Variants in KIAA1217 observed in about 807,000 individuals in gnomAD.
The protein encoded by KIAA1217 is sickle tail protein homolog.
Under a neutral mutation model 163.9 loss-of-function variants are expected in KIAA1217, and 88 were observed. That is an observed-to-expected ratio of 0.54 (90% CI 0.45 to 0.64). The LOEUF is 0.64. KIAA1217 is among the 30% of genes least tolerant of loss of function. The pLI is 0.00. For missense variants in KIAA1217, 2,372 were observed against 2,475.0 expected (o/e 0.96, Z 0.88); for synonymous variants, 903 against 923.1 (o/e 0.98, Z 0.39).
intron 2 of KIAA1217, among the ~76,000 whole-genome samples, chr10:24,267,788 G>A (rs1590380426): frequency 6.6e-6 from 1 of 152,168 alleles, no homozygotes; most frequent in African/African-American, 2.4e-5. Flanking sequence ...TTTTCACCTA[G>A]GCATAGTACT....
At chr10:23,957,677 G>A (rs535039389) in intron 1 of KIAA1217, among the ~76,000 whole-genome samples, 7 of 152,204 alleles carry the variant, frequency 4.6e-5, no homozygotes, top group East Asian at 1.9e-4. Context: ...AGCCGAGATC[G>A]GGCCACTGCA....
chr10:24,179,304 T>C (rs2066058345), intron 2 of KIAA1217, among the ~76,000 whole-genome samples: 1 of 151,952 alleles, frequency 6.6e-6, no homozygotes, highest in South Asian at 2.1e-4. Flanking sequence ...TGGTGGGAGG[T>C]GATTGGATCA....
intron 1 of KIAA1217, among the ~76,000 whole-genome samples, chr10:23,842,657 A>G (rs1040426671): frequency 2.6e-5 from 4 of 152,098 alleles, no homozygotes; most frequent in African/African-American, 9.7e-5. Context: ...TTTTAATTAC[A>G]TGGTGGTGAA....
At chr10:24,155,477 G>C (rs2064831329) in intron 2 of KIAA1217, among the ~76,000 whole-genome samples, 1 of 152,120 alleles carries the variant, frequency 6.6e-6, no homozygotes, top group Non-Finnish European at 1.5e-5. Flanking sequence ...CAATGGCATA[G>C]CTGGAACCAA....
At chr10:24,442,997 G>A (rs1212343001) in intron 5 of KIAA1217, among the ~76,000 whole-genome samples, 1 of 146,828 alleles carries the variant, frequency 6.8e-6, no homozygotes, top group Non-Finnish European at 1.5e-5. Flanking sequence ...TGCAACCTCT[G>A]CCTCCCAGGT....
At chr10:24,446,137 A>G (rs1335635434) in intron 5 of KIAA1217, among the ~76,000 whole-genome samples, 1 of 152,128 alleles carries the variant, frequency 6.6e-6, no homozygotes, top group African/African-American at 2.4e-5. Flanking sequence ...GCCAGTGATG[A>G]TGAGCATTTT....
chr10:24,004,990 A>G (rs1190740172), intron 1 of KIAA1217, among the ~76,000 whole-genome samples: 1 of 152,196 alleles, frequency 6.6e-6, no homozygotes, highest in Non-Finnish European at 1.5e-5. Context: ...GGATGGTGGG[A>G]GCAGCTTAGA....
At chr10:24,012,808 G>A (rs761993933) in intron 2 of KIAA1217, among the ~76,000 whole-genome samples, 39 of 152,116 alleles carry the variant, frequency 2.6e-4, no homozygotes, top group Non-Finnish European at 4.9e-4. Context: ...ACTTTGGTTG[G>A]ATTAAGCTAT....
chr10:23,968,280 C>G (rs1015406035), intron 1 of KIAA1217, among the ~76,000 whole-genome samples: 8 of 152,084 alleles, frequency 5.3e-5, no homozygotes, highest in Admixed American at 2.0e-4. Context: ...TATGATGAGG[C>G]ATTTACAGAA....
intron 1 of KIAA1217, among the ~76,000 whole-genome samples, chr10:23,760,399 G>T (rs1834196849): frequency 6.6e-6 from 1 of 152,210 alleles, no homozygotes; most frequent in Non-Finnish European, 1.5e-5. Context: ...GGGACTAATA[G>T]TTGAGTTAGT....
At chr10:24,120,443 C>T (rs1263188819) in intron 2 of KIAA1217, among the ~76,000 whole-genome samples, 3 of 152,176 alleles carry the variant, frequency 2.0e-5, no homozygotes, top group African/African-American at 7.2e-5. Flanking sequence ...GGATTACTTG[C>T]TTTCTGGTGT....
chr10:24,209,376 G>C, intron 1 of KIAA1217, 113 bp downstream of exon 1: 1 of 714,800 alleles, frequency 1.4e-6, no homozygotes, highest in Non-Finnish European at 2.3e-6. Context: ...AAAAAAAAAG[G>C]CAATTTCTTG....
At chr10:24,223,445 G>C (rs2069954241) in intron 2 of KIAA1217, among the ~76,000 whole-genome samples, 1 of 151,942 alleles carries the variant, frequency 6.6e-6, no homozygotes, top group South Asian at 2.1e-4. Flanking sequence ...TGTTCCTCCT[G>C]GACCTTCTCA....
intron 2 of KIAA1217, among the ~76,000 whole-genome samples, chr10:24,179,381 A>T (rs2131944609): frequency 6.6e-6 from 1 of 152,018 alleles, no homozygotes; most frequent in Admixed American, 6.6e-5. Flanking sequence ...TTCTCATGAG[A>T]TCTGTTTATT....
At chr10:23,923,918 G>A (rs902106572) in intron 1 of KIAA1217, among the ~76,000 whole-genome samples, 5 of 152,172 alleles carry the variant, frequency 3.3e-5, no homozygotes, top group African/African-American at 1.2e-4. Context: ...AATTTAAAAT[G>A]TAGGATTAGG....
chr10:23,765,996 A>T (rs1026477066), intron 1 of KIAA1217, among the ~76,000 whole-genome samples: 24 of 152,298 alleles, frequency 1.6e-4, no homozygotes, highest in African/African-American at 5.5e-4. Flanking sequence ...TTTTTGAATT[A>T]TCACAGTAAG....
intron 5 of KIAA1217, among the ~76,000 whole-genome samples, chr10:24,451,768 C>A (rs764806169): frequency 6.6e-6 from 1 of 152,230 alleles, no homozygotes; most frequent in Non-Finnish European, 1.5e-5. Context: ...CATCCCTTTT[C>A]TTTGCTCTTA....
intron 3 of KIAA1217, among the ~76,000 whole-genome samples, chr10:24,387,582 G>GT (rs1292317117): frequency 2.0e-5 from 3 of 152,056 alleles, no homozygotes; most frequent in Non-Finnish European, 4.4e-5. Context: ...AGAAATAAAG[G>GT]GTATTCAATT....
intron 1 of KIAA1217, among the ~76,000 whole-genome samples, chr10:23,852,761 T>C (rs930649862): frequency 6.6e-5 from 10 of 152,316 alleles, no homozygotes; most frequent in African/African-American, 2.4e-4. Context: ...CTAGGTATTT[T>C]ATTCTCTTTG....
Sources: allele counts gnomAD v4.1 joint callset (sites outside exome capture counted in the v4.1 genomes callset), GRCh38; gene constraint gnomAD v4.1.1; transcripts MANE v1.5; gene names NCBI Gene and HGNC (gene_info 2026-07-23, HGNC 2026-07-21).